Variants in NAALADL2 observed in about 807,000 individuals in gnomAD.
The protein encoded by NAALADL2 is inactive N-acetylated-alpha-linked acidic dipeptidase-like protein 2.
In NAALADL2, 76 loss-of-function variants were observed where a neutral mutation model predicts 87.2. The observed-to-expected ratio is 0.87, with a 90% CI of 0.72 to 1.05. The LOEUF (loss-of-function observed/expected upper bound fraction) is 1.05, where lower values mean the gene tolerates loss of function less well. Ranked by LOEUF, NAALADL2 falls within the 50% of genes least tolerant of loss-of-function variation. The pLI, the probability that NAALADL2 is intolerant of heterozygous loss-of-function variation, is 0.00. For synonymous variants in NAALADL2, 354 were observed against 331.0 expected, an observed-to-expected ratio of 1.07 and a Z score of -0.75; for missense variants, 1,089 against 945.8, an observed-to-expected ratio of 1.15 and a Z score of -1.99.
chr3:175,036,359 G>A (rs550131400), intron 1 of NAALADL2, among the ~76,000 whole-genome samples: 1 of 150,994 alleles, frequency 6.6e-6, no homozygotes, highest in African/African-American at 2.4e-5. Context: ...TGCATGTTTT[G>A]TTTTACAAAA....
At chr3:174,684,348 C>A (rs1233300246) in intron 2 of NAALADL2, among the ~76,000 whole-genome samples, 4 of 151,844 alleles carry the variant, frequency 2.6e-5, no homozygotes, top group African/African-American at 9.7e-5. Context: ...AACCATAAAC[C>A]CTTGCAAAAT....
In NAALADL2 at chr3:174,624,991, A is replaced by C. The variant is rs1017470737; in HGVS notation, c.-115+74354A>C. On this transcript the variant is annotated intron_variant, in intron 2 of 3. Transcript: ENST00000434257. ...GTTTTCATGCAGGGTCTGAGGTAGT[A>C]CATATGATCTAGAATGATCTAGATA... Among the ~76,000 whole-genome samples the C allele has an allele frequency of 6.0e-5, 9 of 150,730 alleles. 1 individual carries two copies. Among genetic ancestry groups the C allele is most frequent in the African/African-American group, 2.2e-4 (9 of 41,052 alleles).
chr3:174,828,849 T>C (rs922230056), intron 3 of NAALADL2, among the ~76,000 whole-genome samples: 3 of 152,146 alleles, frequency 2.0e-5, no homozygotes, highest in African/African-American at 7.2e-5. Flanking sequence ...AGTTAAACTG[T>C]GGGATGAGCT....
intron 1 of NAALADL2, among the ~76,000 whole-genome samples, chr3:175,009,901 T>G (rs1007875331): frequency 2.6e-5 from 4 of 152,022 alleles, no homozygotes; most frequent in Admixed American, 1.3e-4. Flanking sequence ...TTATATAATA[T>G]TATGTAATGA....
At chr3:175,662,472 C>A (rs902440421) in intron 11 of NAALADL2, among the ~76,000 whole-genome samples, 1 of 151,826 alleles carries the variant, frequency 6.6e-6, no homozygotes, top group African/African-American at 2.4e-5. Flanking sequence ...AATTTGGATG[C>A]TTTTTATTTC....
chr3:175,464,947 C>A (rs1438084455), intron 7 of NAALADL2, among the ~76,000 whole-genome samples: 1 of 152,100 alleles, frequency 6.6e-6, no homozygotes, highest in South Asian at 2.1e-4. Context: ...CCCAGTTGTA[C>A]AAATTATACT....
intron 2 of NAALADL2, among the ~76,000 whole-genome samples, chr3:174,591,482 T>C (rs1274153236): frequency 2.0e-5 from 3 of 152,142 alleles, no homozygotes; most frequent in African/African-American, 7.2e-5. Flanking sequence ...AAAGGAAAAC[T>C]TGTCATTTGA....
At chr3:174,618,694 A>C (rs1347759507) in intron 2 of NAALADL2, among the ~76,000 whole-genome samples, 3 of 151,896 alleles carry the variant, frequency 2.0e-5, no homozygotes, top group African/African-American at 7.2e-5. Context: ...TGGCGATCAC[A>C]ACCAAATATA....
chr3:174,812,446 A>G (rs1030080035), intron 3 of NAALADL2, among the ~76,000 whole-genome samples: 22 of 152,330 alleles, frequency 1.4e-4, no homozygotes, highest in Admixed American at 3.3e-4. Context: ...ACAATTATTT[A>G]TAGTACGTAA....
At chr3:174,617,806 A>AT (rs944643361) in intron 2 of NAALADL2, among the ~76,000 whole-genome samples, 1 of 151,536 alleles carries the variant, frequency 6.6e-6, no homozygotes, top group African/African-American at 2.4e-5. Context: ...GAATGGACTT[A>AT]TTTTTTTCCT....
At chr3:175,106,502 A>G (rs926571265) in intron 2 of NAALADL2, among the ~76,000 whole-genome samples, 5 of 152,052 alleles carry the variant, frequency 3.3e-5, no homozygotes, top group Non-Finnish European at 7.4e-5. Flanking sequence ...ATTCGTTCCA[A>G]AAAAGGAACA....
At chr3:175,590,079 G>A (rs1721175714) in intron 10 of NAALADL2, among the ~76,000 whole-genome samples, 1 of 151,978 alleles carries the variant, frequency 6.6e-6, no homozygotes, top group Non-Finnish European at 1.5e-5. Flanking sequence ...GGGCGTGGTG[G>A]CGGGCGACTG....
At chr3:175,690,316 C>T (rs1736876144) in intron 11 of NAALADL2, among the ~76,000 whole-genome samples, 1 of 151,802 alleles carries the variant, frequency 6.6e-6, no homozygotes, top group African/African-American at 2.4e-5. Flanking sequence ...ACTGTATTCT[C>T]ACATCTGTTA....
At chr3:174,642,398 G>A (rs1723291733) in intron 2 of NAALADL2, among the ~76,000 whole-genome samples, 1 of 151,666 alleles carries the variant, frequency 6.6e-6, no homozygotes, top group Non-Finnish European at 1.5e-5. Context: ...CTACTCGCGA[G>A]GCTGAGGCAC....
At chr3:175,617,216 A>G (rs1169380796) in intron 10 of NAALADL2, among the ~76,000 whole-genome samples, 1 of 152,150 alleles carries the variant, frequency 6.6e-6, no homozygotes, top group African/African-American at 2.4e-5. Context: ...CCTGGATTGA[A>G]GAGGAGAACA....
intron 2 of NAALADL2, among the ~76,000 whole-genome samples, chr3:174,612,265 A>G (rs1453025444): frequency 6.6e-6 from 1 of 151,936 alleles, no homozygotes; most frequent in Non-Finnish European, 1.5e-5. Flanking sequence ...GTCTTGAGGT[A>G]TTGTTCTTTG....
chr3:174,534,798 G>A (rs936065089), intron 1 of NAALADL2, among the ~76,000 whole-genome samples: 3 of 152,120 alleles, frequency 2.0e-5, no homozygotes, highest in Non-Finnish European at 4.4e-5. Context: ...GACATGGAAG[G>A]TGAATCGGTC....
chr3:174,881,992 T>C (rs1271130898), intron 1 of NAALADL2, among the ~76,000 whole-genome samples: 1 of 152,186 alleles, frequency 6.6e-6, no homozygotes, highest in African/African-American at 2.4e-5. Flanking sequence ...AAAATGCTTT[T>C]ACAGTGATAG....
chr3:175,306,896 A>C (rs926826825), intron 4 of NAALADL2, among the ~76,000 whole-genome samples: 18 of 152,116 alleles, frequency 1.2e-4, no homozygotes, highest in Admixed American at 3.9e-4. Context: ...GTTTGTATCC[A>C]TGGAACATTC....
Sources: gnomAD v4.1 joint callset for allele counts (sites outside exome capture counted in the v4.1 genomes callset) on GRCh38, gnomAD v4.1.1 for gene constraint, MANE v1.5 for transcripts, NCBI Gene and HGNC (gene_info 2026-07-23, HGNC 2026-07-21) for gene names.